The following B3GALT1 variants were observed in gnomAD, a reference collection of about 807,000 sequenced individuals.
B3GALT1 encodes UDP-Gal:betaGlcNAc beta 1,3-galactosyltransferase, polypeptide 1.
A neutral mutation model predicts 23.2 loss-of-function variants in B3GALT1; 10 were observed. That is an observed-to-expected ratio of 0.43 (90% CI 0.27 to 0.73). B3GALT1 has a LOEUF of 0.73. B3GALT1 is among the 30% of genes least tolerant of loss of function. B3GALT1 has a pLI of 0.21. For synonymous variants in B3GALT1, 156 were observed against 141.5 expected, an observed-to-expected ratio of 1.10 and a Z score of -0.73; for missense variants, 299 against 405.4, an observed-to-expected ratio of 0.74 and a Z score of 2.25.
intron 3 of B3GALT1, among the ~76,000 whole-genome samples, chr2:167,804,019 G>A (rs570184754): frequency 5.9e-5 from 9 of 152,246 alleles, no homozygotes; most frequent in African/African-American, 2.2e-4. Flanking sequence ...CTTTTGAGAT[G>A]GAGTCTCACT....
intron 2 of B3GALT1, among the ~76,000 whole-genome samples, chr2:167,559,075 G>A (rs1683912318): frequency 6.6e-6 from 1 of 152,222 alleles, no homozygotes; most frequent in South Asian, 2.1e-4. Context: ...GGGGCAGACT[G>A]ACACCTCACA....
chr2:167,399,361 AAAATTT>A (rs1430262010), intron 1 of B3GALT1, among the ~76,000 whole-genome samples: 1 of 152,170 alleles, frequency 6.6e-6, no homozygotes, highest in Non-Finnish European at 1.5e-5. Context: ...TGAATTGGAT[AAAATTT>A]AAATTTAAAT....
At chr2:167,511,860 C>T (rs928134549) in intron 2 of B3GALT1, among the ~76,000 whole-genome samples, 1 of 152,038 alleles carries the variant, frequency 6.6e-6, no homozygotes, top group Non-Finnish European at 1.5e-5. Context: ...ATATAAAGAA[C>T]ATTTTTGGGC....
intron 4 of B3GALT1, among the ~76,000 whole-genome samples, chr2:167,848,526 T>C (rs201243219): frequency 6.6e-6 from 1 of 152,162 alleles, no homozygotes; most frequent in African/African-American, 2.4e-5. Flanking sequence ...AGAAAAAGCA[T>C]TTGACAAAAT....
intron 3 of B3GALT1, among the ~76,000 whole-genome samples, chr2:167,734,063 C>T (rs1026794783): frequency 1.3e-5 from 2 of 152,132 alleles, no homozygotes; most frequent in Admixed American, 6.5e-5. Flanking sequence ...TGCTCAGTTC[C>T]AAAACAACAT....
At chr2:167,715,063 G>A in intron 3 of B3GALT1, 1 of 1,612,066 alleles carries the variant, frequency 6.2e-7, no homozygotes, top group Middle Eastern at 2.1e-4. Context: ...TAATAATGTG[G>A]TTTCTTTCTC....
At chr2:167,783,925 C>T (rs1011079475) in intron 3 of B3GALT1, among the ~76,000 whole-genome samples, 2 of 152,258 alleles carry the variant, frequency 1.3e-5, no homozygotes, top group Non-Finnish European at 2.9e-5. Flanking sequence ...CTGTGTAAAA[C>T]AGAAATAAGC....
intron 2 of B3GALT1, among the ~76,000 whole-genome samples, chr2:167,549,167 G>A (rs1287231803): frequency 6.6e-6 from 1 of 152,110 alleles, no homozygotes; most frequent in East Asian, 1.9e-4. Context: ...AATTATCAAT[G>A]TTTGTTAGCT....
intron 2 of B3GALT1, among the ~76,000 whole-genome samples, chr2:167,574,055 A>T (rs1684342426): frequency 1.3e-5 from 2 of 151,646 alleles, no homozygotes; most frequent in South Asian, 4.1e-4. Flanking sequence ...ATCATTTTGA[A>T]TTTACTTTCA....
intron 3 of B3GALT1, among the ~76,000 whole-genome samples, chr2:167,661,159 G>GA (rs2105472589): frequency 6.6e-6 from 1 of 152,236 alleles, no homozygotes; most frequent in East Asian, 1.9e-4. Flanking sequence ...TGAATAAGTA[G>GA]AAAAATATTC....
At chr2:167,296,930 C>G (rs1696360897) in intron 1 of B3GALT1, among the ~76,000 whole-genome samples, 1 of 152,090 alleles carries the variant, frequency 6.6e-6, no homozygotes, top group Admixed American at 6.6e-5. Context: ...CAATCTCTTT[C>G]CATCTCATTT....
chr2:167,592,464 T>C (rs577185321), intron 2 of B3GALT1, among the ~76,000 whole-genome samples: 1 of 152,308 alleles, frequency 6.6e-6, no homozygotes, highest in Non-Finnish European at 1.5e-5. Flanking sequence ...CATAGAAATT[T>C]CATTGAGTAT....
chr2:167,484,337 A>AT (rs1473726015), intron 1 of B3GALT1, among the ~76,000 whole-genome samples: 2 of 152,324 alleles, frequency 1.3e-5, no homozygotes, highest in South Asian at 2.1e-4. Flanking sequence ...AAAAAGGTTT[A>AT]TTTTGAGCCA....
At position 167,873,911 on chromosome 2, in the gene B3GALT1, C is replaced by T. The variant is rs1228163750; in HGVS notation, c.*3891C>T. The T allele has an allele frequency of 2.0e-5, 3 of 152,192 alleles. No individual in the cohort carries two copies. Among genetic ancestry groups the T allele is most frequent in the African/African-American group, 7.2e-5 (3 of 41,446 alleles). 9.4% of individuals were successfully genotyped at this position (152,192 alleles called of 1,614,324 possible). On this transcript the variant is annotated 3_prime_UTR_variant, in exon 5 of 5. Transcript: ENST00000392690. ...TGAAGATATCATTACACTTTCTTCA[C>T]CTTCCTCTTGAAATGTAAACTGTTG...
Position 167,741,830 on chromosome 2 carries a change from A to G in B3GALT1, c.-351-76842A>G, listed in dbSNP as rs34441164. On this transcript the variant is annotated intron_variant, in intron 3 of 4. Transcript: ENST00000392690. ...AATGGAGTTGAGCTATCTAGATTTT[A>G]TAATGTTGGCAACAGAGAGTATATA... 9.8e-3 allele frequency among the ~76,000 whole-genome samples: 1,498 copies of G among 152,334 alleles called. 10 individuals carry two copies. Among genetic ancestry groups the G allele is most frequent in the Middle Eastern group, 0.034 (10 of 294 alleles).
intron 3 of B3GALT1, among the ~76,000 whole-genome samples, chr2:167,724,580 A>G (rs1687280753): frequency 6.6e-6 from 1 of 152,176 alleles, no homozygotes; most frequent in Non-Finnish European, 1.5e-5. Flanking sequence ...ATTTATCAAC[A>G]TTTACCATGT....
intron 1 of B3GALT1, among the ~76,000 whole-genome samples, chr2:167,393,091 A>G (rs760996298): frequency 7.2e-5 from 11 of 152,160 alleles, no homozygotes; most frequent in Admixed American, 1.3e-4. Context: ...AAAATTAGCC[A>G]GACGTGGTGG....
intron 2 of B3GALT1, among the ~76,000 whole-genome samples, chr2:167,533,270 T>C (rs191133766): frequency 6.6e-6 from 1 of 152,278 alleles, no homozygotes; most frequent in Admixed American, 6.5e-5. Context: ...TTGCATTCTG[T>C]CTTTCACCAT....
At chr2:167,691,837 G>C (rs1686719437) in intron 3 of B3GALT1, among the ~76,000 whole-genome samples, 1 of 152,152 alleles carries the variant, frequency 6.6e-6, no homozygotes, top group Non-Finnish European at 1.5e-5. Flanking sequence ...AGCTTGTGAA[G>C]CACAGGCAGG....
Sources: allele counts gnomAD v4.1 joint callset (sites outside exome capture counted in the v4.1 genomes callset), GRCh38; gene constraint gnomAD v4.1.1; transcripts MANE v1.5; gene names NCBI Gene and HGNC (gene_info 2026-07-23, HGNC 2026-07-21).